ADGRB3: variants seen among roughly 807,000 people sequenced by gnomAD.
ADGRB3 encodes brain-specific angiogenesis inhibitor 3.
Under a neutral mutation model 193.4 loss-of-function variants are expected in ADGRB3, and 37 were observed. That is an observed-to-expected ratio of 0.19 (90% CI 0.15 to 0.25). ADGRB3 has a LOEUF of 0.25. Among genes scored for constraint, ADGRB3 ranks in the 10% least tolerant of loss-of-function variants. The pLI is 1.00. For synonymous variants in ADGRB3, 690 were observed against 644.2 expected, an observed-to-expected ratio of 1.07 and a Z score of -1.08; for missense variants, 1,637 against 1,852.9, an observed-to-expected ratio of 0.88 and a Z score of 2.14.
intron 20 of ADGRB3, among the ~76,000 whole-genome samples, chr6:69,294,659 A>G (rs986953281): frequency 3.3e-5 from 5 of 152,186 alleles, no homozygotes; most frequent in African/African-American, 1.2e-4. Flanking sequence ...TATAATGAAG[A>G]TAAAATCCGT....
rs1396263990 is a variant in ADGRB3, at chr6:69,333,657, A to AAT, written c.3188+656_3188+657dup. Among the ~76,000 whole-genome samples, 4 of 151,234 alleles carry AAT rather than the reference A, an allele frequency of 2.6e-5. No homozygotes were observed. The East Asian group carries it at 7.7e-4, about 29-fold the overall frequency. On this transcript the variant is annotated intron_variant, in intron 24 of 31. Coordinates refer to ENST00000370598, the MANE Select transcript of ADGRB3 (RefSeq NM_001704.3). Reference sequence around the variant, plus strand: ...TATCTGATGACATATTATATATTATAATATATATCTGGCCGGGCACGGTGG... The same window carrying AAT: ...TATCTGATGACATATTATATATTATAATATATATATCTGGCCGGGCACGGTGG...
At chr6:68,642,728 C>CTT (rs11351150) in intron 3 of ADGRB3, among the ~76,000 whole-genome samples, 2 of 143,970 alleles carry the variant, frequency 1.4e-5, no homozygotes, top group Admixed American at 6.9e-5. Context: ...AAAATGAAGC[C>CTT]TTTTTTTTTT....
chr6:68,760,514 A>G (rs1766377402), intron 3 of ADGRB3, among the ~76,000 whole-genome samples: 1 of 152,234 alleles, frequency 6.6e-6, no homozygotes, highest in Non-Finnish European at 1.5e-5. Context: ...GACATTACCA[A>G]GTATTGTTTC....
intron 20 of ADGRB3, among the ~76,000 whole-genome samples, chr6:69,288,769 T>C (rs1429524737): frequency 1.3e-5 from 2 of 152,164 alleles, no homozygotes; most frequent in Middle Eastern, 3.2e-3. Context: ...TTCCCTCAGG[T>C]CTTCTAGAAA....
intron 3 of ADGRB3, among the ~76,000 whole-genome samples, chr6:68,802,951 T>C (rs1767339598): frequency 6.6e-6 from 1 of 152,214 alleles, no homozygotes; most frequent in African/African-American, 2.4e-5. Context: ...CCTTGTCATC[T>C]ACCTCGACTT....
chr6:68,759,489 T>A (rs1766354425), intron 3 of ADGRB3, among the ~76,000 whole-genome samples: 1 of 152,126 alleles, frequency 6.6e-6, no homozygotes, highest in South Asian at 2.1e-4. Flanking sequence ...TAGTTCACTA[T>A]TAATTCCTAT....
intron 3 of ADGRB3, among the ~76,000 whole-genome samples, chr6:68,675,460 T>A (rs970300582): frequency 1.3e-5 from 2 of 152,078 alleles, no homozygotes; most frequent in Non-Finnish European, 2.9e-5. Context: ...AAAAATGGTA[T>A]TTAGAACTAA....
At chr6:69,258,448 G>A (rs548361892) in intron 20 of ADGRB3, among the ~76,000 whole-genome samples, 1 of 152,266 alleles carries the variant, frequency 6.6e-6, no homozygotes, top group South Asian at 2.1e-4. Flanking sequence ...AGAACGGTTG[G>A]GAATTGTACT....
intron 29 of ADGRB3, among the ~76,000 whole-genome samples, chr6:69,371,318 A>G (rs2127339608): frequency 6.6e-6 from 1 of 152,250 alleles, no homozygotes; most frequent in Middle Eastern, 3.4e-3. Context: ...AAGAAACTAC[A>G]TTAGTGCTTC....
chr6:69,047,018 C>T (rs1374740463), intron 13 of ADGRB3, among the ~76,000 whole-genome samples: 7 of 152,044 alleles, frequency 4.6e-5, no homozygotes, highest in Non-Finnish European at 8.8e-5. Context: ...CCACCACGCC[C>T]GGCTAAAATT....
chr6:69,282,819 T>C (rs1417564859), intron 20 of ADGRB3, among the ~76,000 whole-genome samples: 1 of 152,180 alleles, frequency 6.6e-6, no homozygotes, highest in East Asian at 1.9e-4. Flanking sequence ...CATAGAATAA[T>C]TTCTGCCTTT....
At chr6:68,674,811 A>G (rs1026122447) in intron 3 of ADGRB3, among the ~76,000 whole-genome samples, 1 of 152,240 alleles carries the variant, frequency 6.6e-6, no homozygotes, top group Non-Finnish European at 1.5e-5. Context: ...GTGCCACAGC[A>G]GTTAAGTAAA....
At chr6:69,195,522 C>CAAA (rs542731165) in intron 17 of ADGRB3, among the ~76,000 whole-genome samples, 33 of 65,058 alleles carry the variant, frequency 5.1e-4, no homozygotes, top group African/African-American at 1.2e-3. Context: ...TATCCTGTCT[C>CAAA]AAAAAAAAAA....
intron 3 of ADGRB3, among the ~76,000 whole-genome samples, chr6:68,852,227 T>C (rs920400419): frequency 1.3e-5 from 2 of 151,912 alleles, no homozygotes; most frequent in African/African-American, 4.8e-5. Context: ...CCATTTATCT[T>C]AATGTAGCCT....
intron 20 of ADGRB3, among the ~76,000 whole-genome samples, chr6:69,247,754 T>C (rs780997139): frequency 9.9e-5 from 15 of 152,198 alleles, no homozygotes; most frequent in Non-Finnish European, 2.1e-4. Flanking sequence ...ACTTGTTTTA[T>C]ATATGGCGTG....
chr6:68,877,842 G>A (rs1262631324), intron 3 of ADGRB3, among the ~76,000 whole-genome samples: 1 of 151,980 alleles, frequency 6.6e-6, no homozygotes, highest in Non-Finnish European at 1.5e-5. Flanking sequence ...CTGAATAACT[G>A]ACCGATTAGT....
chr6:69,080,836 T>A (rs955688412), intron 17 of ADGRB3, among the ~76,000 whole-genome samples: 7 of 152,064 alleles, frequency 4.6e-5, no homozygotes, highest in Non-Finnish European at 1.0e-4. Flanking sequence ...CATGTTAACA[T>A]GTAACTGATT....
chr6:68,640,008 CT>C (rs1261327271), intron 3 of ADGRB3, among the ~76,000 whole-genome samples: 2 of 152,172 alleles, frequency 1.3e-5, no homozygotes, highest in South Asian at 2.1e-4. Flanking sequence ...CCCTTCTCCC[CT>C]GGTCTGGAAT....
chr6:69,197,401 A>C (rs1765324538), intron 17 of ADGRB3, among the ~76,000 whole-genome samples: 1 of 142,986 alleles, frequency 7.0e-6, no homozygotes. Context: ...AGTGTGCTTC[A>C]TGATTACTAA....
Sources: allele counts gnomAD v4.1 joint callset (sites outside exome capture counted in the v4.1 genomes callset), GRCh38; gene constraint gnomAD v4.1.1; transcripts MANE v1.5; gene names NCBI Gene and HGNC (gene_info 2026-07-23, HGNC 2026-07-21).